RIF1: variants seen among roughly 807,000 people sequenced by gnomAD.
RIF1 encodes replication timing regulatory factor 1.
A neutral mutation model predicts 247.1 loss-of-function variants in RIF1; 45 were observed. The observed-to-expected ratio is 0.18, with a 90% CI of 0.14 to 0.23. The LOEUF is 0.23. RIF1 is among the 10% of genes least tolerant of loss of function. RIF1 has a pLI of 1.00. For synonymous variants in RIF1, 1,087 were observed against 978.8 expected (o/e 1.11, Z -2.06); for missense variants, 2,967 against 2,862.5 (o/e 1.04, Z -0.83).
chr2:151,428,080 T>C (rs1201526660), intron 8 of RIF1, among the ~76,000 whole-genome samples: 1 of 150,888 alleles, frequency 6.6e-6, no homozygotes, highest in East Asian at 2.0e-4. Flanking sequence ...AAAACAAAAA[T>C]TAGCTGGGCG....
chr2:151,500,630 C>T (rs1261244217), intron 11 of RIF1, among the ~76,000 whole-genome samples: 2 of 133,776 alleles, frequency 1.5e-5, no homozygotes, highest in African/African-American at 5.4e-5. Context: ...GGGTCTCACT[C>T]CTGTTGCCTA....
At chr2:151,501,384 C>G in intron 11 of RIF1, 4 of 1,534,488 alleles carry the variant, frequency 2.6e-6, no homozygotes, top group Non-Finnish European at 3.5e-6. Flanking sequence ...AGCTTTCTCC[C>G]AAATACCGAG....
At chr2:151,493,682 A>T (rs551850470) in intron 9 of RIF1, 380 of 1,074,174 alleles carry the variant, frequency 3.5e-4, no homozygotes, top group Non-Finnish European at 4.9e-4. Context: ...GATACACAAA[A>T]GTTTTGGAAA....
At chr2:151,442,046 C>CTTTTT (rs1435863747) in intron 16 of RIF1, 55 bp downstream of exon 16, 24 of 250,838 alleles carry the variant, frequency 9.6e-5, no homozygotes, top group Middle Eastern at 1.8e-3. Context: ...TTATACTTCC[C>CTTTTT]TTTTTTATTT....
At position 151,465,598 on chromosome 2, in the gene RIF1, C is replaced by G. The variant is rs759514616; in HGVS notation, c.6078C>G (p.Ile2026Met). ...TGAAAAATAATGAAGAAATGATGAT[C>G]GGCGAGGCAATGGCTGAAACTGGCC... ...TKMKNNEEMM[I>M]GEAMAETGHD... Residue 2026 changes from isoleucine (I) to methionine (M), a missense_variant, in exon 30 of 36, where the codon ATC (isoleucine) becomes ATG (methionine). Physicochemically the swap from Ile to Met is conservative, Grantham distance 10. Coordinates refer to ENST00000444746, the MANE Select transcript of RIF1 (RefSeq NM_018151.5). The G allele has an allele frequency of 2.5e-6, 4 of 1,613,594 alleles. No individual in the cohort carries two copies. In the African/African-American group the frequency reaches 5.3e-5, roughly 22 times the overall value.
intron 34 of RIF1, among the ~76,000 whole-genome samples, chr2:151,471,847 A>G (rs905116464): frequency 1.3e-5 from 2 of 152,140 alleles, no homozygotes; most frequent in African/African-American, 2.4e-5. Flanking sequence ...TGACTTGGCA[A>G]TGCGGGCTCT....
chr2:151,461,042 T>C, intron 26 of RIF1, 96 bp from the exon 27 acceptor site: 2 of 1,123,646 alleles, frequency 1.8e-6, no homozygotes, highest in South Asian at 3.0e-5. Context: ...TAATCACTAT[T>C]GAAAAATGGT....
chr2:151,507,907 G>T, exon 14 of RIF1: 1 of 814,644 alleles, frequency 1.2e-6, no homozygotes, highest in Non-Finnish European at 2.1e-6. Flanking sequence ...GTGGAGGGCT[G>T]CACAACAGCC....
rs1685999171 is a variant in RIF1, at chr2:151,410,669, G to C, written c.104+142G>C. The C allele has an allele frequency of 4.4e-6, 3 of 688,426 alleles. No homozygotes were observed. The Admixed American group carries it at 7.8e-5, about 18-fold the overall frequency. The allele number at this position is 688,426 out of a possible 1,614,324, so 42.6% of individuals were successfully genotyped here. On this transcript the variant is annotated intron_variant, in intron 2 of 35. Coordinates refer to ENST00000444746, the MANE Select transcript of RIF1 (RefSeq NM_018151.5). ...GACGCCCGAGTCGCGGACGCCTTGG[G>C]GGGCGGGGGAGATGTATTCTAGGTG...
chr2:151,414,401 TAC>T (rs1246325346), intron 3 of RIF1, among the ~76,000 whole-genome samples: 2 of 152,242 alleles, frequency 1.3e-5, no homozygotes, highest in East Asian at 3.8e-4. Flanking sequence ...TTATAAACGT[TAC>T]ATTCTAACCC....
At chr2:151,423,359 T>C (rs1688490078) in intron 8 of RIF1, 2 of 210,768 alleles carry the variant, frequency 9.5e-6, no homozygotes, top group Non-Finnish European at 1.9e-5. Flanking sequence ...TTATAATCCA[T>C]GTAATGCCAC....
intron 8 of RIF1, among the ~76,000 whole-genome samples, chr2:151,428,527 C>T (rs146505897): frequency 3.2e-4 from 49 of 152,188 alleles, no homozygotes; most frequent in African/African-American, 1.2e-3. Flanking sequence ...ACATTGTCTG[C>T]TTCTTCAAAC....
rs772657875 is a variant in RIF1 at position 151,433,093 on chromosome 2, A to C, written c.942A>C (p.Ala314=). The change falls in exon 10 of 36, where the codon GCA becomes GCC. Residue 314 remains alanine, a synonymous_variant. Transcript: ENST00000444746. ...TCTTTTAAGATATACTATGTAGTGCAAAAAGACTCAAGTTGTTAATGCAGC... is the reference window on the plus strand; with the variant it reads ...TCTTTTAAGATATACTATGTAGTGCCAAAAGACTCAAGTTGTTAATGCAGC... ...FALNPDILCS[A]KRLKLLMQPL... The C allele has an allele frequency of 4.3e-6, 7 of 1,612,996 alleles. No homozygotes were observed. The South Asian group carries it at 5.5e-5, about 13-fold the overall frequency.
chr2:151,412,492 C>T (rs1484659404), intron 3 of RIF1, among the ~76,000 whole-genome samples: 3 of 151,780 alleles, frequency 2.0e-5, no homozygotes, highest in Admixed American at 6.6e-5. Flanking sequence ...AGCTTTTGTG[C>T]TTTTTGTTTG....
Position 151,437,272 on chromosome 2 carries a change from T to G in RIF1, c.1404T>G (p.Pro468=). 6.2e-7 allele frequency: 1 copy of G among 1,613,944 alleles called. No homozygotes were observed. Among genetic ancestry groups the G allele is most frequent in the Non-Finnish European group, 8.5e-7 (1 of 1,179,790 alleles). ...EPLEHPLISS[P]SFFSKHANTL... ...TGGAACATCCGTTAATCAGCAGCCC[T>G]TCCTTTTTTTCCAAACATGCAAATA... The change falls in exon 13 of 36, where the codon CCT becomes CCG. Residue 468 remains proline (P), a synonymous_variant. Transcript: ENST00000444746.
intron 3 of RIF1, 94 bp downstream of exon 3, chr2:151,411,432 T>G: frequency 1.3e-6 from 1 of 787,914 alleles, no homozygotes; most frequent in Non-Finnish European, 2.1e-6. Flanking sequence ...GTTTTGCTCT[T>G]GTTGCCCAGG....
chr2:151,444,450 C>A (rs1692894355), intron 18 of RIF1, among the ~76,000 whole-genome samples: 1 of 152,144 alleles, frequency 6.6e-6, no homozygotes, highest in African/African-American at 2.4e-5. Flanking sequence ...GCTGGGACTA[C>A]AGGTGCACGC....
intron 12 of RIF1, chr2:151,505,477 C>G: frequency 6.2e-7 from 1 of 1,613,168 alleles, no homozygotes; most frequent in Non-Finnish European, 8.5e-7. Flanking sequence ...ATGGCCACTA[C>G]CGAGCTAATG....
Position 151,477,049 on chromosome 2 carries a change from G to C in RIF1, c.*1978G>C, listed in dbSNP as rs554400878. ...ATCACTGAATTTTATATAAGCACAA[G>C]TATTAATTTTAAAAACATTATAGTT... On this transcript the variant is annotated 3_prime_UTR_variant, in exon 36 of 36. Transcript: ENST00000444746. 1 of 152,142 alleles carries C rather than the reference G, an allele frequency of 6.6e-6. No homozygotes were observed. Among genetic ancestry groups the C allele is most frequent in the Non-Finnish European group, 1.5e-5 (1 of 68,022 alleles). 9.4% of individuals were successfully genotyped at this position (152,142 alleles called of 1,614,324 possible). A position where few individuals can be genotyped will look rare whatever the true frequency, so the allele number is the denominator to read the frequency against.
Sources: gnomAD v4.1 joint callset for allele counts (sites outside exome capture counted in the v4.1 genomes callset) on GRCh38, gnomAD v4.1.1 for gene constraint, MANE v1.5 for transcripts, NCBI Gene and HGNC (gene_info 2026-07-23, HGNC 2026-07-21) for gene names.